The following E2F6 variants were observed in gnomAD, a reference collection of about 807,000 sequenced individuals.
The protein encoded by E2F6 is transcription factor E2F6.
E2F6 carries 19 observed loss-of-function variants against 31.5 expected under a neutral mutation model. That is an observed-to-expected ratio of 0.60 (90% CI 0.42 to 0.89). The LOEUF is 0.89. Among genes scored for constraint, E2F6 ranks in the 40% least tolerant of loss-of-function variants. The pLI, the probability that E2F6 is intolerant of heterozygous loss-of-function variation, is 0.00. For synonymous variants in E2F6, 121 were observed against 127.7 expected (o/e 0.95, Z 0.36); for missense variants, 269 against 341.6 (o/e 0.79, Z 1.67).
chr2:11,446,755 A>G (rs556731787), intron 6 of E2F6, among the ~76,000 whole-genome samples: 1,550 of 152,210 alleles, frequency 0.01, 4 homozygotes, highest in Middle Eastern at 0.031. Flanking sequence ...AATGGAGGAA[A>G]CCTTCCCTTA....
rs1035133709 is a variant in E2F6 at position 11,462,250 on chromosome 2, G to A, written c.108+3522C>T. ...ATAGAGTAGTCCACCCTTATCCCTG[G>A]GAGCTACATTCCAAGACCCCCAGTG... On this transcript the variant is annotated intron_variant, in intron 1 of 6. Coordinates refer to ENST00000381525, the MANE Select transcript of E2F6 (RefSeq NM_198256.4). Among the ~76,000 whole-genome samples the A allele has an allele frequency of 1.1e-4, 17 of 151,996 alleles. No individual in the cohort carries two copies. The East Asian group carries it at 3.1e-3, about 28-fold the overall frequency.
rs191089890 is a variant in E2F6 at position 11,452,779 on chromosome 2, G to A, written c.380+803C>T. On this transcript the variant is annotated intron_variant, in intron 3 of 6. Transcript: ENST00000381525. ...TAGTTTTCAAATCTGATTCTAATTA[G>A]TGATTCACAATGCATGCCGATATAA... Among the ~76,000 whole-genome samples, 89 of 152,148 alleles carry A rather than the reference G, an allele frequency of 5.8e-4. No homozygotes were observed. The East Asian group carries it at 0.016, about 27-fold the overall frequency.
chr2:11,455,281 C>T, intron 2 of E2F6: 1 of 1,032,162 alleles, frequency 9.7e-7, no homozygotes, highest in Non-Finnish European at 1.2e-6. Flanking sequence ...ATATGACTTT[C>T]TTTTTCTCTA....
At chr2:11,458,796 A>G (rs1671578176) in intron 1 of E2F6, among the ~76,000 whole-genome samples, 1 of 152,212 alleles carries the variant, frequency 6.6e-6, no homozygotes, top group Admixed American at 6.5e-5. Context: ...ACTCCCATTG[A>G]GACAGAATCC....
chr2:11,464,517 C>CAAA (rs559562627), intron 1 of E2F6, among the ~76,000 whole-genome samples: 949 of 44,562 alleles, frequency 0.021, 94 homozygotes, highest in African/African-American at 0.088. Context: ...ACTTCGTCAC[C>CAAA]AAAAAAAAAA....
intron 2 of E2F6, among the ~76,000 whole-genome samples, chr2:11,455,784 A>G (rs1244649786): frequency 6.6e-6 from 1 of 152,242 alleles, no homozygotes; most frequent in African/African-American, 2.4e-5. Context: ...GAACTCTATT[A>G]TATGTCCTGA....
chr2:11,453,852 A>G (rs1671228462), intron 2 of E2F6, 54 bp from the exon 3 acceptor site: 8 of 1,464,696 alleles, frequency 5.5e-6, no homozygotes, highest in Non-Finnish European at 6.5e-6. Context: ...TTCTCAACTC[A>G]TTTTTAAAAA....
chr2:11,462,871 C>T (rs982703146), intron 1 of E2F6, among the ~76,000 whole-genome samples: 1 of 152,070 alleles, frequency 6.6e-6, no homozygotes, highest in Non-Finnish European at 1.5e-5. Context: ...TTTGGGGGAC[C>T]ACAGGTTAAC....
chr2:11,456,423 G>A (rs1224501872), intron 2 of E2F6, among the ~76,000 whole-genome samples: 5 of 152,192 alleles, frequency 3.3e-5, no homozygotes, highest in African/African-American at 4.8e-5. Context: ...GCAATTCAAC[G>A]TTGTGGTAAA....
In E2F6 at chr2:11,447,788, C is replaced by T. The variant is rs761954613; in HGVS notation, c.652-14G>A. ...TGTGATAGAGTCCTAGCAAAGGACACAGGAATCGTCAAGATGAATGAAATA... is the reference window on the plus strand; with the variant it reads ...TGTGATAGAGTCCTAGCAAAGGACATAGGAATCGTCAAGATGAATGAAATA... On this transcript the variant is annotated splice_polypyrimidine_tract_variant and intron_variant, in intron 5 of 6. Transcript: ENST00000381525. The T allele has an allele frequency of 1.3e-6, 2 of 1,598,060 alleles. No homozygotes were observed. The highest frequency in any genetic ancestry group is 2.2e-5 in the East Asian group (1 of 44,758).
chr2:11,464,727 T>A (rs1380002648), intron 1 of E2F6, among the ~76,000 whole-genome samples: 1 of 152,118 alleles, frequency 6.6e-6, no homozygotes, highest in Non-Finnish European at 1.5e-5. Flanking sequence ...CAAGCCGGCG[T>A]TACATGCATC....
chr2:11,447,648 G>A lies in E2F6; in HGVS notation c.778C>T (p.His260Tyr). ...TTACCTTCCTCAGGGCCTTCTGGAT[G>A]AGTGCTCTCAGATGAAGAGGTCCCG... ...GVGTSSSEST[H>Y]PEGPEEEENP... Residue 260 changes from histidine to tyrosine, a missense_variant, in exon 6 of 7, where the codon CAT (histidine) becomes TAT (tyrosine). Transcript: ENST00000381525. 3 of 1,611,928 alleles carry A rather than the reference G, an allele frequency of 1.9e-6. No homozygotes were observed. Among genetic ancestry groups the A allele is most frequent in the South Asian group, 1.1e-5 (1 of 90,964 alleles).
chr2:11,463,007 G>A (rs1671880927), intron 1 of E2F6, among the ~76,000 whole-genome samples: 1 of 152,132 alleles, frequency 6.6e-6, no homozygotes, highest in African/African-American at 2.4e-5. Context: ...ATTATGACAT[G>A]GTAACTGAAA....
chr2:11,451,343 CCTA>C (rs1671050632), intron 4 of E2F6: 1 of 167,008 alleles, frequency 6.0e-6, no homozygotes, highest in African/African-American at 2.6e-5. Context: ...CCAACTTTTA[CCTA>C]ACTTTTTTTT....
chr2:11,452,229 T>C (rs779926420), intron 3 of E2F6, among the ~76,000 whole-genome samples: 22 of 152,194 alleles, frequency 1.4e-4, no homozygotes, highest in Non-Finnish European at 2.9e-4. Context: ...GTGCCTCTGC[T>C]AACATGTGAG....
intron 2 of E2F6, among the ~76,000 whole-genome samples, chr2:11,455,105 T>C (rs534689796): frequency 7.2e-5 from 11 of 152,322 alleles, no homozygotes; most frequent in African/African-American, 2.6e-4. Context: ...CTCTGCAGGT[T>C]GTGGGTTCTA....
chr2:11,447,845 C>A (rs1342419050), intron 5 of E2F6, 71 bp from the exon 6 acceptor site: 1 of 1,523,118 alleles, frequency 6.6e-7, no homozygotes, highest in South Asian at 1.3e-5. Context: ...ACTAGAACTG[C>A]AAAAATTTCG....
chr2:11,454,733 C>G (rs555309365), intron 2 of E2F6, among the ~76,000 whole-genome samples: 9 of 151,766 alleles, frequency 5.9e-5, no homozygotes, highest in Middle Eastern at 6.8e-3. Context: ...AATTCCCTCA[C>G]TCACCTACTA....
At chr2:11,465,022 T>C (rs1004630907) in intron 1 of E2F6, among the ~76,000 whole-genome samples, 1 of 151,266 alleles carries the variant, frequency 6.6e-6, no homozygotes, top group East Asian at 1.9e-4. Context: ...CTACTAAAAA[T>C]ACAAAATTAG....
Sources: gnomAD v4.1 joint callset for allele counts (sites outside exome capture counted in the v4.1 genomes callset) on GRCh38, gnomAD v4.1.1 for gene constraint, MANE v1.5 for transcripts, NCBI Gene and HGNC (gene_info 2026-07-23, HGNC 2026-07-21) for gene names.